Variants in IMPG1 observed in about 807,000 individuals in gnomAD.
IMPG1 encodes the protein interphotoreceptor matrix proteoglycan 1.
Under a neutral mutation model 92.0 loss-of-function variants are expected in IMPG1, and 85 were observed. That is an observed-to-expected ratio of 0.92 (90% CI 0.78 to 1.11). The LOEUF is 1.11. Ranked by LOEUF, IMPG1 falls within the 50% of genes least tolerant of loss-of-function variation. The pLI is 0.00. For missense variants in IMPG1, 1,022 were observed against 956.0 expected, an observed-to-expected ratio of 1.07 and a Z score of -0.91; for synonymous variants, 367 against 334.1, an observed-to-expected ratio of 1.10 and a Z score of -1.08.
intron 14 of IMPG1, among the ~76,000 whole-genome samples, chr6:75,932,744 A>C (rs959720793): frequency 1.1e-4 from 17 of 151,612 alleles, no homozygotes; most frequent in African/African-American, 3.9e-4. Flanking sequence ...CTTATTCCCT[A>C]GGCTGGAGTG....
chr6:75,980,848 A>G (rs1242806958), intron 12 of IMPG1, among the ~76,000 whole-genome samples: 1 of 152,184 alleles, frequency 6.6e-6, no homozygotes, highest in East Asian at 1.9e-4. Context: ...TCATATATGC[A>G]TATATCCTAT....
chr6:75,965,938 CAA>C (rs1237862315), intron 12 of IMPG1, among the ~76,000 whole-genome samples: 4 of 152,120 alleles, frequency 2.6e-5, no homozygotes, highest in Non-Finnish European at 5.9e-5. Flanking sequence ...TATATGTTTG[CAA>C]AGATTTTCGC....
chr6:76,044,550 T>A (rs1783902975), intron 1 of IMPG1, among the ~76,000 whole-genome samples: 1 of 152,202 alleles, frequency 6.6e-6, no homozygotes, highest in African/African-American at 2.4e-5. Context: ...CTGCCTAATG[T>A]TATGCCCTGT....
intron 12 of IMPG1, among the ~76,000 whole-genome samples, chr6:75,968,364 G>T (rs1782345865): frequency 6.6e-6 from 1 of 151,976 alleles, no homozygotes; most frequent in Non-Finnish European, 1.5e-5. Context: ...AATTTCTTTG[G>T]TGTTATTTCA....
chr6:76,072,391 C>A (rs776540377), intron 1 of IMPG1, 31 bp downstream of exon 1: 8 of 1,191,382 alleles, frequency 6.7e-6, no homozygotes, highest in Non-Finnish European at 9.8e-6. Flanking sequence ...TATAGATAAG[C>A]AATTTAAAAG....
intron 4 of IMPG1, 83 bp downstream of exon 4, chr6:76,034,232 G>A: frequency 7.7e-7 from 1 of 1,296,468 alleles, no homozygotes; most frequent in Non-Finnish European, 1.1e-6. Flanking sequence ...AATCCTACAG[G>A]TAGAATAGCT....
Position 76,034,768 on chromosome 6 carries a change from C to A in IMPG1, c.321G>T (p.Trp107Cys). ...GATCCAGAAAGATCCGATATGCTTC[C>A]CATACTGCTTCCTGACACACTGTAA... Reference protein sequence around the residue: ...YRLRVCQEAVWEAYRIFLDRI... With the variant: ...YRLRVCQEAVCEAYRIFLDRI... The change falls in exon 3 of 17, where the codon TGG becomes TGT. Residue 107 changes from tryptophan to cysteine, a missense_variant. Transcript: ENST00000369950. 6.2e-7 allele frequency: 1 copy of A among 1,614,080 alleles called. No homozygotes were observed. Among genetic ancestry groups the A allele is most frequent in the Non-Finnish European group, 8.5e-7 (1 of 1,179,986 alleles).
At chr6:75,968,765 T>C (rs901589603) in intron 12 of IMPG1, among the ~76,000 whole-genome samples, 15 of 152,220 alleles carry the variant, frequency 9.9e-5, no homozygotes, top group Admixed American at 9.2e-4. Context: ...GCTTTCTTGC[T>C]GTCACCCTCT....
intron 1 of IMPG1, among the ~76,000 whole-genome samples, chr6:76,052,741 T>TA (rs1368082348): frequency 2.1e-4 from 32 of 152,174 alleles, no homozygotes; most frequent in Admixed American, 6.5e-5. Context: ...GAGTCAATCT[T>TA]AGAAAATATG....
intron 12 of IMPG1, among the ~76,000 whole-genome samples, chr6:75,977,996 C>T (rs1481832584): frequency 6.6e-6 from 1 of 152,096 alleles, no homozygotes; most frequent in East Asian, 1.9e-4. Context: ...ACAATCATAG[C>T]TCACTGCAGT....
chr6:75,956,237 T>C (rs1562347372), intron 12 of IMPG1, among the ~76,000 whole-genome samples: 1 of 152,246 alleles, frequency 6.6e-6, no homozygotes, highest in Non-Finnish European at 1.5e-5. Context: ...TGGGCTTTTC[T>C]TGTTGGTAGG....
intron 15 of IMPG1, among the ~76,000 whole-genome samples, chr6:75,924,725 AAT>A (rs1781517917): frequency 1.8e-4 from 2 of 11,332 alleles, no homozygotes; most frequent in African/African-American, 2.3e-4. Context: ...TATATAATAT[AAT>A]TATATATAAT....
chr6:76,023,641 C>G (rs56131449), intron 5 of IMPG1, among the ~76,000 whole-genome samples: 1,571 of 152,094 alleles, frequency 0.01, 17 homozygotes, highest in Non-Finnish European at 0.016. Context: ...TCCAGAAGTA[C>G]TGGGGAAATA....
rs767107262 is a variant in IMPG1, at chr6:76,034,719, G to C, written c.370C>G (p.Gln124Glu). The part of the protein sequence containing the change: ...LDRIPDTGEY[Q>E]DWVSICQQET... ...TGCTGGCAGATGCTGACCCAGTCCTGATATTCCCCTGTGTCAGGGATGCGA... is the reference window on the plus strand; with the variant it reads ...TGCTGGCAGATGCTGACCCAGTCCTCATATTCCCCTGTGTCAGGGATGCGA... The change falls in exon 3 of 17, where the codon CAG becomes GAG. Residue 124 changes from glutamine to glutamate, a missense_variant. By Grantham distance (29) the Gln-to-Glu change is conservative. This residue lies in a region of IMPG1 where 681 missense variants were observed against 583.6 expected (regional missense o/e 1.17). Transcript: ENST00000369950. 1.2e-6 allele frequency: 2 copies of C among 1,614,040 alleles called. No individual in the cohort carries two copies. Among genetic ancestry groups the C allele is most frequent in the South Asian group, 2.2e-5 (2 of 91,074 alleles).
chr6:75,994,645 TTG>T (rs1350896805), intron 12 of IMPG1, among the ~76,000 whole-genome samples: 1 of 152,148 alleles, frequency 6.6e-6, no homozygotes. Flanking sequence ...CCATCAGAGT[TTG>T]TGAGATTTAT....
At chr6:76,009,482 A>G (rs1562368172) in intron 8 of IMPG1, among the ~76,000 whole-genome samples, 1 of 152,242 alleles carries the variant, frequency 6.6e-6, no homozygotes, top group Non-Finnish European at 1.5e-5. Context: ...AATTTCCTTA[A>G]TAACATGTTT....
intron 15 of IMPG1, among the ~76,000 whole-genome samples, chr6:75,929,325 A>T (rs1222581178): frequency 6.6e-6 from 1 of 152,022 alleles, no homozygotes; most frequent in African/African-American, 2.4e-5. Flanking sequence ...GATTTCCCTG[A>T]TGATAGTGAG....
chr6:75,971,261 T>C (rs962548092), intron 12 of IMPG1, among the ~76,000 whole-genome samples: 6 of 139,788 alleles, frequency 4.3e-5, no homozygotes, highest in African/African-American at 1.6e-4. Flanking sequence ...AGGTGGGAAT[T>C]GAACAATGAG....
At chr6:76,024,943 C>T in intron 5 of IMPG1, 1 of 547,038 alleles carries the variant, frequency 1.8e-6, no homozygotes, top group Admixed American at 2.2e-5. Context: ...AGAAAATAGG[C>T]AGTAAATGTT....
Sources: gnomAD v4.1 joint callset for allele counts (sites outside exome capture counted in the v4.1 genomes callset) on GRCh38, gnomAD v4.1.1 for gene constraint, gnomAD v4.1.1 regional missense constraint, MANE v1.5 for transcripts, NCBI Gene and HGNC (gene_info 2026-07-23, HGNC 2026-07-21) for gene names.